PRDM11: variants seen among roughly 807,000 people sequenced by gnomAD.
PRDM11 encodes PR domain-containing protein 11.
A neutral mutation model predicts 97.8 loss-of-function variants in PRDM11; 20 were observed. The observed-to-expected ratio is 0.20, with a 90% confidence interval of 0.14 to 0.30. PRDM11 has a LOEUF of 0.30. Among genes scored for constraint, PRDM11 ranks in the 10% least tolerant of loss-of-function variants. The probability of loss-of-function intolerance (pLI) is 1.00; values close to 1 mark genes in which losing one functional copy is unlikely to be tolerated. For missense variants in PRDM11, 1,139 were observed against 1,555.2 expected (o/e 0.73, Z 4.50); for synonymous variants, 599 against 637.7 (o/e 0.94, Z 0.91).
intron 1 of PRDM11, among the ~76,000 whole-genome samples, chr11:45,098,101 G>A (rs1652337121): frequency 6.6e-6 from 1 of 152,218 alleles, no homozygotes; most frequent in Non-Finnish European, 1.5e-5. Flanking sequence ...CAGTGCCCTA[G>A]CGGCACCTTC....
intron 5 of PRDM11, chr11:45,213,743 A>G (rs1261022727): frequency 2.2e-6 from 1 of 456,294 alleles, no homozygotes; most frequent in Non-Finnish European, 4.4e-6. Flanking sequence ...GTCAGGTATT[A>G]TTATGATCAT....
rs1258464457 is a variant in PRDM11 at position 45,219,123 on chromosome 11, G to T, written c.555-447G>T. On this transcript the variant is annotated intron_variant, in intron 5 of 7. Coordinates refer to ENST00000683152, the MANE Select transcript of PRDM11 (RefSeq NM_001384648.1). This position sits in a 1 kb window ranked among gnomAD's most constrained non-coding sequence, Gnocchi z 4.2. ...TTGTCACAGGGGCTATTTCAGCAAG[G>T]CTTTGTGAAATACTGGAAACAGTTG... Among the ~76,000 whole-genome samples, 1 of 152,162 alleles carries T rather than the reference G, an allele frequency of 6.6e-6. No homozygotes were observed. The highest frequency in any genetic ancestry group is 2.1e-4 in the South Asian group (1 of 4,824).
chr11:45,099,298 C>CA (rs1199898521), intron 1 of PRDM11, among the ~76,000 whole-genome samples: 1 of 151,746 alleles, frequency 6.6e-6, no homozygotes, highest in Non-Finnish European at 1.5e-5. Context: ...ACTAAAGATA[C>CA]AAAAAAATTA....
intron 4 of PRDM11, among the ~76,000 whole-genome samples, chr11:45,195,087 G>T (rs1853071248): frequency 1.3e-5 from 2 of 151,974 alleles, no homozygotes; most frequent in South Asian, 4.1e-4. Flanking sequence ...CACTTGCATG[G>T]AAACCTGTTT....
chr11:45,167,875 A>G (rs757252408), intron 1 of PRDM11, among the ~76,000 whole-genome samples: 7 of 151,978 alleles, frequency 4.6e-5, no homozygotes, highest in Non-Finnish European at 8.8e-5. Context: ...GTACTTATGC[A>G]TGCTTCGGGA....
intron 1 of PRDM11, among the ~76,000 whole-genome samples, chr11:45,166,605 C>T (rs555600619): frequency 2.0e-5 from 3 of 152,384 alleles, no homozygotes; most frequent in Non-Finnish European, 2.9e-5. Context: ...CTGAGGGTGG[C>T]GACCTTGTTC....
chr11:45,205,215 T>C (rs1024687073), intron 5 of PRDM11, among the ~76,000 whole-genome samples: 3 of 152,180 alleles, frequency 2.0e-5, no homozygotes, highest in African/African-American at 7.2e-5. Flanking sequence ...AGTCTTCAGC[T>C]CAGTTTTTGA....
intron 4 of PRDM11, 143 bp from the exon 5 acceptor site, chr11:45,204,568 T>A (rs966199955): frequency 1.4e-6 from 1 of 723,496 alleles, no homozygotes. Context: ...AGCCTGCATT[T>A]CAGTTCTGTA....
intron 1 of PRDM11, among the ~76,000 whole-genome samples, chr11:45,113,505 G>T (rs1852229194): frequency 6.6e-6 from 1 of 152,060 alleles, no homozygotes; most frequent in Non-Finnish European, 1.5e-5. Context: ...GTATTTTGAT[G>T]GGAATTGCAT....
rs111684874 is a variant in PRDM11, at chr11:45,213,618, G to A, written c.555-5952G>A. The A allele has an allele frequency of 5.2e-3, 2,383 of 456,490 alleles. 40 individuals carry two copies. The highest frequency in any genetic ancestry group is 0.041 in the African/African-American group (2,059 of 50,128). The allele number at this position is 456,490 out of a possible 1,614,324, so 28.3% of individuals were successfully genotyped here. ...GTGGGGAGAAGAATGGGATGACGTC[G>A]GAGGAAGGAAAAGACTGTCTTGCAT... is the stretch of plus-strand genomic sequence containing the variant. On this transcript the variant is annotated intron_variant, in intron 5 of 7. Coordinates refer to ENST00000683152, the MANE Select transcript of PRDM11 (RefSeq NM_001384648.1).
chr11:45,138,993 AG>A (rs1033999261), intron 1 of PRDM11, among the ~76,000 whole-genome samples: 1 of 152,234 alleles, frequency 6.6e-6, no homozygotes, highest in Admixed American at 6.5e-5. Context: ...AAGAAAAATA[AG>A]GGCCCCAATT....
intron 1 of PRDM11, among the ~76,000 whole-genome samples, chr11:45,177,886 T>A (rs910029073): frequency 1.3e-5 from 2 of 152,130 alleles, no homozygotes; most frequent in Non-Finnish European, 2.9e-5. Flanking sequence ...TCTAACACTA[T>A]CTCTGGTTGT....
intron 1 of PRDM11, among the ~76,000 whole-genome samples, chr11:45,136,989 CAAAAAAAA>C (rs759854361): frequency 9.1e-6 from 1 of 110,066 alleles, no homozygotes; most frequent in Non-Finnish European, 2.0e-5. Context: ...ACTAAAAATA[CAAAAAAAA>C]AAAAAAAGAA....
intron 5 of PRDM11, among the ~76,000 whole-genome samples, chr11:45,206,252 G>A (rs565283654): frequency 1.3e-5 from 2 of 152,272 alleles, no homozygotes; most frequent in Admixed American, 6.5e-5. Context: ...CTACCACAGA[G>A]GTGACTTTCC....
At chr11:45,120,883 G>T (rs1852415238) in intron 1 of PRDM11, among the ~76,000 whole-genome samples, 1 of 151,854 alleles carries the variant, frequency 6.6e-6, no homozygotes, top group South Asian at 2.1e-4. Flanking sequence ...TAGCACAAAG[G>T]GCAAGAGCAG....
chr11:45,182,773 G>A (rs1852557637), intron 3 of PRDM11, 88 bp from the exon 4 acceptor site: 3 of 1,426,758 alleles, frequency 2.1e-6, no homozygotes, highest in Non-Finnish European at 2.8e-6. Context: ...TCCATGAGTG[G>A]GCCTCCTGTC....
At chr11:45,132,437 C>T (rs1222956333) in intron 1 of PRDM11, among the ~76,000 whole-genome samples, 1 of 152,154 alleles carries the variant, frequency 6.6e-6, no homozygotes, top group African/African-American at 2.4e-5. Flanking sequence ...GTGTTTTGCT[C>T]ATGGTTTTTG....
At chr11:45,225,198 G>A (rs1052364908) in intron 7 of PRDM11, 16 of 1,163,576 alleles carry the variant, frequency 1.4e-5, no homozygotes, top group Non-Finnish European at 1.7e-5. Context: ...TCTCAAGCAG[G>A]GTGTCCCACT....
chr11:45,106,317 G>C (rs1040968715), intron 1 of PRDM11, among the ~76,000 whole-genome samples: 1 of 152,134 alleles, frequency 6.6e-6, no homozygotes, highest in South Asian at 2.1e-4. Context: ...AGCCGTTCTC[G>C]TTGGAGGCCC....
Sources: gnomAD v4.1 joint callset for allele counts (sites outside exome capture counted in the v4.1 genomes callset) on GRCh38, gnomAD v4.1.1 for gene constraint, Gnocchi (gnomAD v3.1) non-coding constraint, MANE v1.5 for transcripts, NCBI Gene and HGNC (gene_info 2026-07-23, HGNC 2026-07-21) for gene names.